The following GRID2 variants were observed in gnomAD, a reference collection of about 807,000 sequenced individuals.
GRID2 encodes glutamate ionotropic receptor delta type subunit 2.
A neutral mutation model predicts 114.8 loss-of-function variants in GRID2; 33 were observed. The observed-to-expected ratio is 0.29, with a 90% confidence interval of 0.22 to 0.38. GRID2 has a LOEUF of 0.38. Among genes scored for constraint, GRID2 ranks in the 10% least tolerant of loss-of-function variants. The pLI is 1.00. For missense variants in GRID2, 1,184 were observed against 1,257.7 expected (o/e 0.94, Z 0.89); for synonymous variants, 505 against 449.9 (o/e 1.12, Z -1.55).
chr4:93,290,872 CTTTTTTTTT>C (rs56735687), intron 8 of GRID2, among the ~76,000 whole-genome samples: 2 of 88,530 alleles, frequency 2.3e-5, no homozygotes, highest in African/African-American at 9.1e-5. Flanking sequence ...ATACAAGTTA[CTTTTTTTTT>C]TTTTTTTTTT....
intron 2 of GRID2, among the ~76,000 whole-genome samples, chr4:92,711,533 T>C (rs1560546558): frequency 6.6e-6 from 1 of 152,086 alleles, no homozygotes; most frequent in East Asian, 1.9e-4. Context: ...TGCAATAGAG[T>C]AACTGTTTCC....
At chr4:92,686,580 T>A (rs1733917446) in intron 2 of GRID2, among the ~76,000 whole-genome samples, 1 of 152,098 alleles carries the variant, frequency 6.6e-6, no homozygotes, top group African/African-American at 2.4e-5. Flanking sequence ...ATCAGTGACC[T>A]TTCTCAGAGC....
intron 1 of GRID2, among the ~76,000 whole-genome samples, chr4:92,450,053 T>G (rs1192019583): frequency 6.6e-6 from 1 of 152,060 alleles, no homozygotes; most frequent in Non-Finnish European, 1.5e-5. Context: ...AAAAGTAATT[T>G]CAGCTTTGTT....
intron 2 of GRID2, among the ~76,000 whole-genome samples, chr4:93,020,407 TATTA>T (rs1723168359): frequency 6.6e-6 from 1 of 152,306 alleles, no homozygotes; most frequent in East Asian, 1.9e-4. Flanking sequence ...CATATACAGT[TATTA>T]ATTAATAACA....
chr4:93,158,630 C>T (rs1737394321), intron 4 of GRID2, among the ~76,000 whole-genome samples: 2 of 151,760 alleles, frequency 1.3e-5, no homozygotes, highest in Admixed American at 1.3e-4. Flanking sequence ...AAACCACACA[C>T]ACACACAAAT....
chr4:93,165,126 G>A (rs1037262591), intron 4 of GRID2, among the ~76,000 whole-genome samples: 3 of 152,038 alleles, frequency 2.0e-5, no homozygotes, highest in Admixed American at 2.0e-4. Context: ...TTAACACAGT[G>A]CCTAATACTA....
chr4:92,821,564 A>T (rs1200238360), intron 2 of GRID2, among the ~76,000 whole-genome samples: 3 of 152,166 alleles, frequency 2.0e-5, no homozygotes, highest in African/African-American at 4.8e-5. Flanking sequence ...ATAAACAGAA[A>T]TTTAAAATAA....
At position 93,772,701 on chromosome 4, in the gene GRID2, T is replaced by G; in HGVS notation, c.*203T>G. On this transcript the variant is annotated 3_prime_UTR_variant, in exon 16 of 16. Transcript: ENST00000282020. ...TTTCCCCCTCCCTTCCTGTACATTTTCCTCCACTTTTTTTCATTACTCAAC... is the reference window on the plus strand; with the variant it reads ...TTTCCCCCTCCCTTCCTGTACATTTGCCTCCACTTTTTTTCATTACTCAAC... 1 of 524,190 alleles carries G rather than the reference T, an allele frequency of 1.9e-6. No homozygotes were observed. The highest frequency in any genetic ancestry group is 3.3e-6 in the Non-Finnish European group (1 of 300,208). The allele number at this position is 524,190 out of a possible 1,614,324, so 32.5% of individuals were successfully genotyped here. A position where few individuals can be genotyped will look rare whatever the true frequency, so the allele number is the denominator to read the frequency against.
At chr4:92,582,813 C>G (rs1341389912) in intron 1 of GRID2, among the ~76,000 whole-genome samples, 1 of 151,656 alleles carries the variant, frequency 6.6e-6, no homozygotes, top group Non-Finnish European at 1.5e-5. Flanking sequence ...ACGTGAGACC[C>G]CAGTCTCTAC....
At chr4:92,460,698 A>T (rs1215552029) in intron 1 of GRID2, among the ~76,000 whole-genome samples, 1 of 152,144 alleles carries the variant, frequency 6.6e-6, no homozygotes, top group Non-Finnish European at 1.5e-5. Flanking sequence ...TTTTTGATGA[A>T]GGCATTTAAC....
At chr4:93,481,050 CT>C (rs1725816055) in intron 11 of GRID2, among the ~76,000 whole-genome samples, 1 of 152,046 alleles carries the variant, frequency 6.6e-6, no homozygotes, top group Non-Finnish European at 1.5e-5. Context: ...AATCTGAAAT[CT>C]TACCACCCAT....
At chr4:92,650,489 A>G (rs1731871949) in intron 2 of GRID2, among the ~76,000 whole-genome samples, 1 of 152,240 alleles carries the variant, frequency 6.6e-6, no homozygotes, top group South Asian at 2.1e-4. Flanking sequence ...ATTCGTATCT[A>G]CATTGAGAAA....
chr4:93,341,133 G>A (rs931536336), intron 8 of GRID2, among the ~76,000 whole-genome samples: 1 of 151,968 alleles, frequency 6.6e-6, no homozygotes, highest in African/African-American at 2.4e-5. Context: ...TTATTTAAAT[G>A]ATAAAAACAT....
At chr4:93,798,901 C>CATA (rs745759316) in intron 1 of GRID2, among the ~76,000 whole-genome samples, 3 of 152,116 alleles carry the variant, frequency 2.0e-5, no homozygotes, top group Non-Finnish European at 2.9e-5. Context: ...TACAAAGATA[C>CATA]ATAACACCAG....
intron 2 of GRID2, among the ~76,000 whole-genome samples, chr4:92,773,315 A>T (rs1446026097): frequency 1.3e-5 from 2 of 152,208 alleles, no homozygotes; most frequent in African/African-American, 2.4e-5. Context: ...TTAACAGATT[A>T]GGTTCTAGTT....
intron 2 of GRID2, among the ~76,000 whole-genome samples, chr4:92,680,470 A>C (rs1001771563): frequency 2.6e-5 from 4 of 152,138 alleles, no homozygotes; most frequent in African/African-American, 9.7e-5. Context: ...AAAGTAGAAA[A>C]TGATATATTT....
At chr4:93,212,475 G>T (rs771587618) in intron 5 of GRID2, among the ~76,000 whole-genome samples, 1 of 152,126 alleles carries the variant, frequency 6.6e-6, no homozygotes, top group Non-Finnish European at 1.5e-5. Context: ...CCAGCTCAGA[G>T]CAGCCTTTCC....
chr4:92,945,712 G>A (rs1578561919), intron 2 of GRID2, among the ~76,000 whole-genome samples: 1 of 152,278 alleles, frequency 6.6e-6, no homozygotes, highest in East Asian at 1.9e-4. Context: ...TGTTTTGAAA[G>A]TGGGAAGTTT....
intron 1 of GRID2, among the ~76,000 whole-genome samples, chr4:92,531,737 GTTA>G (rs776888250): frequency 2.0e-5 from 3 of 152,016 alleles, no homozygotes; most frequent in Non-Finnish European, 4.4e-5. Context: ...GGTTTTTCCT[GTTA>G]TTAAAAACCA....
Sources: allele counts gnomAD v4.1 joint callset (sites outside exome capture counted in the v4.1 genomes callset), GRCh38; gene constraint gnomAD v4.1.1; transcripts MANE v1.5; gene names NCBI Gene and HGNC (gene_info 2026-07-23, HGNC 2026-07-21).